Variants in EZH2 observed in about 807,000 individuals in gnomAD.
EZH2 encodes enhancer of zeste 2 polycomb repressive complex 2 subunit.
In EZH2, 18 loss-of-function variants were observed where a neutral mutation model predicts 98.4. The observed-to-expected ratio is 0.18, with a 90% CI of 0.13 to 0.27. The LOEUF (loss-of-function observed/expected upper bound fraction) is 0.27. Among genes scored for constraint, EZH2 ranks in the 10% least tolerant of loss-of-function variants. EZH2 has a pLI of 1.00. For missense variants in EZH2, 470 were observed against 935.1 expected, an observed-to-expected ratio of 0.50 and a Z score of 6.49; for synonymous variants, 338 against 312.3, an observed-to-expected ratio of 1.08 and a Z score of -0.87.
chr7:148,823,514 C>T (rs1291213998), intron 8 of EZH2, among the ~76,000 whole-genome samples: 1 of 151,944 alleles, frequency 6.6e-6, no homozygotes, highest in Non-Finnish European at 1.5e-5. Context: ...TATCTTTATA[C>T]TTGTCAAAGA....
intron 1 of EZH2, among the ~76,000 whole-genome samples, chr7:148,868,465 G>C (rs1447077763): frequency 6.6e-6 from 1 of 152,092 alleles, no homozygotes; most frequent in East Asian, 1.9e-4. Context: ...AGAACTCACT[G>C]TCACGAGAAC....
intron 1 of EZH2, among the ~76,000 whole-genome samples, chr7:148,851,016 G>C (rs998527810): frequency 2.0e-5 from 3 of 152,084 alleles, no homozygotes; most frequent in Non-Finnish European, 2.9e-5. Context: ...TAAAACCTTA[G>C]AAGGTGAAAT....
intron 7 of EZH2, among the ~76,000 whole-genome samples, chr7:148,826,942 G>T (rs1415873471): frequency 1.3e-5 from 2 of 152,118 alleles, no homozygotes; most frequent in Non-Finnish European, 2.9e-5. Context: ...ATATGTGTGT[G>T]TTTATGTGTA....
At chr7:148,833,465 AAAAAATAAAAT>A (rs901991170) in intron 3 of EZH2, among the ~76,000 whole-genome samples, 7 of 21,488 alleles carry the variant, frequency 3.3e-4, no homozygotes, top group African/African-American at 1.4e-3. Context: ...TCAAAAAAAA[AAAAAATAAAAT>A]AAAATAAAAT....
chr7:148,846,623 G>A (rs752260714), intron 2 of EZH2, 25 bp from the exon 3 acceptor site: 18 of 1,600,492 alleles, frequency 1.1e-5, no homozygotes, highest in African/African-American at 5.4e-5. Flanking sequence ...TGAAGGAGAG[G>A]AAAGGAGAAA....
At chr7:148,873,001 C>T (rs934442737) in intron 1 of EZH2, among the ~76,000 whole-genome samples, 3 of 151,828 alleles carry the variant, frequency 2.0e-5, no homozygotes, top group Non-Finnish European at 1.5e-5. Flanking sequence ...CATATAAGAC[C>T]CCAACTCTAC....
intron 19 of EZH2, 126 bp from the exon 20 acceptor site, chr7:148,807,832 A>G: frequency 1.5e-6 from 1 of 659,124 alleles, no homozygotes; most frequent in Non-Finnish European, 2.6e-6. Context: ...AAAAAAAAAA[A>G]AAAACCCATC....
At chr7:148,844,858 T>C (rs1171801857) in intron 3 of EZH2, among the ~76,000 whole-genome samples, 1 of 152,188 alleles carries the variant, frequency 6.6e-6, no homozygotes, top group Non-Finnish European at 1.5e-5. Flanking sequence ...CACTAATACT[T>C]CATGTGTCTG....
At chr7:148,876,971 AATCTCTCC>A (rs1820260221) in intron 1 of EZH2, among the ~76,000 whole-genome samples, 1 of 152,174 alleles carries the variant, frequency 6.6e-6, no homozygotes, top group African/African-American at 2.4e-5. Context: ...GTTGTTACTT[AATCTCTCC>A]ATCTCTCGAT....
intron 15 of EZH2, among the ~76,000 whole-genome samples, chr7:148,813,663 A>C (rs1465621442): frequency 1.3e-5 from 2 of 151,950 alleles, no homozygotes; most frequent in East Asian, 1.9e-4. Context: ...AAATTCAAAT[A>C]ATCTATTAAA....
chr7:148,832,594 A>C (rs1440049698), intron 4 of EZH2, 40 bp downstream of exon 4: 18 of 1,057,932 alleles, frequency 1.7e-5, no homozygotes, highest in Non-Finnish European at 2.2e-5. Flanking sequence ...ACTTCAAATA[A>C]GTTATTATCA....
At chr7:148,876,437 C>T (rs1324493795) in intron 1 of EZH2, among the ~76,000 whole-genome samples, 1 of 152,092 alleles carries the variant, frequency 6.6e-6, no homozygotes. Flanking sequence ...CAAATGTGTG[C>T]TTTTTATTGT....
chr7:148,832,609 A>C, intron 4 of EZH2, 25 bp downstream of exon 4: 1 of 1,188,712 alleles, frequency 8.4e-7, no homozygotes, highest in Non-Finnish European at 1.2e-6. Context: ...TTATCAAATA[A>C]GCAGAAGATA....
chr7:148,828,368 A>G lies in EZH2; in HGVS notation c.625+372T>C, dbSNP rs190597969. On this transcript the variant is annotated intron_variant, in intron 6 of 19. Transcript: ENST00000320356. ...TTTTTCTTTTTTAAGGCAAGGTCTC[A>G]CTCTGTCACCCAGCCAGACTGTGCA... is the stretch of plus-strand genomic sequence containing the variant. 2.0e-5 allele frequency among the ~76,000 whole-genome samples: 3 copies of G among 152,106 alleles called. No homozygotes were observed. The East Asian group carries it at 5.8e-4, about 29-fold the overall frequency.
rs894668250 is a variant in EZH2, at chr7:148,816,567, C to A, written c.1505+117G>T. The A allele has an allele frequency of 6.0e-6, 4 of 665,160 alleles. No individual in the cohort carries two copies. The African/African-American group carries it at 7.3e-5, about 12-fold the overall frequency. 41.2% of individuals were successfully genotyped at this position (665,160 alleles called of 1,614,324 possible). On this transcript the variant is annotated intron_variant, in intron 12 of 19. Transcript: ENST00000320356. Reference sequence around the variant, plus strand: ...GATTCCATAGTTCTGTTTTTGATGGCAGTTTAAGGTTTTTTAAAAATAGAC... The same window carrying A: ...GATTCCATAGTTCTGTTTTTGATGGAAGTTTAAGGTTTTTTAAAAATAGAC...
chr7:148,864,944 C>A (rs904225653), intron 1 of EZH2, among the ~76,000 whole-genome samples: 1 of 151,746 alleles, frequency 6.6e-6, no homozygotes, highest in Admixed American at 6.6e-5. Context: ...CTGGCCAACA[C>A]GGTAAAACCC....
rs1318971707 is a variant in EZH2, at chr7:148,828,654, A to G, written c.625+86T>C. On this transcript the variant is annotated intron_variant, in intron 6 of 19. Transcript: ENST00000320356. ...TTAACAAAGAAAGAAAAAGAGAAAG[A>G]AGAAACTAAGCCCTATTTCTACTCT... is the stretch of plus-strand genomic sequence containing the variant. The G allele has an allele frequency of 2.3e-5, 33 of 1,454,450 alleles. No homozygotes were observed. In the South Asian group the frequency reaches 3.5e-4, roughly 15 times the overall value. 90.1% of individuals were successfully genotyped at this position (1,454,450 alleles called of 1,614,324 possible). A position where few individuals can be genotyped will look rare whatever the true frequency, so the allele number is the denominator to read the frequency against.
At chr7:148,880,989 C>A (rs1322157434) in intron 1 of EZH2, among the ~76,000 whole-genome samples, 1 of 152,178 alleles carries the variant, frequency 6.6e-6, no homozygotes, top group Non-Finnish European at 1.5e-5. Context: ...GGGAAGACCT[C>A]CAGAAGGTAA....
At chr7:148,837,086 T>C (rs912702405) in intron 3 of EZH2, 2 of 428,742 alleles carry the variant, frequency 4.7e-6, no homozygotes, top group African/African-American at 4.0e-5. Context: ...TTCTTTAAAT[T>C]TCACAACTAC....
Sources: gnomAD v4.1 joint callset for allele counts (sites outside exome capture counted in the v4.1 genomes callset) on GRCh38, gnomAD v4.1.1 for gene constraint, MANE v1.5 for transcripts, NCBI Gene and HGNC (gene_info 2026-07-23, HGNC 2026-07-21) for gene names.